Variants in CHCHD6 observed in about 807,000 individuals in gnomAD.
CHCHD6 encodes MICOS complex subunit MIC25.
Under a neutral mutation model 32.3 loss-of-function variants are expected in CHCHD6, and 28 were observed. That is an observed-to-expected ratio of 0.87 (90% CI 0.64 to 1.19). CHCHD6 has a LOEUF of 1.19. CHCHD6 is among the 50% of genes most tolerant of loss of function. The pLI, the probability that CHCHD6 is intolerant of heterozygous loss-of-function variation, is 0.00. For missense variants in CHCHD6, 333 were observed against 307.0 expected (o/e 1.08, Z -0.63); for synonymous variants, 122 against 117.5 (o/e 1.04, Z -0.25).
chr3:126,836,800 T>C (rs1324472811), intron 4 of CHCHD6, among the ~76,000 whole-genome samples: 1 of 152,190 alleles, frequency 6.6e-6, no homozygotes, highest in Admixed American at 6.5e-5. Context: ...CCAGGCTGGC[T>C]CTGCTCTGGA....
intron 4 of CHCHD6, among the ~76,000 whole-genome samples, chr3:126,745,345 A>G (rs1216061986): frequency 3.3e-5 from 5 of 152,162 alleles, no homozygotes; most frequent in Non-Finnish European, 5.9e-5. Context: ...TGGACCCATT[A>G]TTTAACCAAG....
intron 5 of CHCHD6, among the ~76,000 whole-genome samples, chr3:126,875,996 T>C (rs1453895195): frequency 6.6e-6 from 1 of 152,224 alleles, no homozygotes; most frequent in Non-Finnish European, 1.5e-5. Context: ...GAACAACAGC[T>C]TTCAGTAAAA....
intron 1 of CHCHD6, among the ~76,000 whole-genome samples, chr3:126,706,373 C>T (rs1307553105): frequency 6.6e-6 from 1 of 152,180 alleles, no homozygotes; most frequent in Admixed American, 6.5e-5. Flanking sequence ...TGAGTAACTT[C>T]TGGGACTTTA....
At chr3:126,890,192 G>A (rs1002639762) in intron 5 of CHCHD6, among the ~76,000 whole-genome samples, 3 of 152,244 alleles carry the variant, frequency 2.0e-5, no homozygotes, top group African/African-American at 7.2e-5. Flanking sequence ...CTGGTGGTAG[G>A]TGAAGCCGGG....
intron 4 of CHCHD6, among the ~76,000 whole-genome samples, chr3:126,824,281 G>A (rs73203606): frequency 0.091 from 13,757 of 151,580 alleles, 798 homozygotes; most frequent in Middle Eastern, 0.21. Flanking sequence ...CCAACATTTG[G>A]CCGGGCACAG....
At chr3:126,836,692 G>A (rs1301269339) in intron 4 of CHCHD6, among the ~76,000 whole-genome samples, 3 of 152,208 alleles carry the variant, frequency 2.0e-5, no homozygotes, top group Non-Finnish European at 4.4e-5. Flanking sequence ...GAGATTGTGC[G>A]GAGATGCTGA....
intron 5 of CHCHD6, among the ~76,000 whole-genome samples, chr3:126,896,060 A>G (rs919731986): frequency 3.9e-5 from 6 of 152,218 alleles, no homozygotes; most frequent in Non-Finnish European, 5.9e-5. Context: ...GGTGGAATAT[A>G]TGAAACCACA....
At chr3:126,758,562 T>C (rs1265928817) in intron 4 of CHCHD6, among the ~76,000 whole-genome samples, 2 of 152,244 alleles carry the variant, frequency 1.3e-5, no homozygotes, top group Non-Finnish European at 2.9e-5. Flanking sequence ...GGGATCTCAC[T>C]AAGCGGCTGA....
At chr3:126,727,017 C>A in intron 1 of CHCHD6, 61 bp from the exon 2 acceptor site, 1 of 1,181,564 alleles carries the variant, frequency 8.5e-7, no homozygotes, top group Non-Finnish European at 1.3e-6. Flanking sequence ...AAAGAGGAGG[C>A]TTTGCTTCCA....
chr3:126,813,357 G>A (rs187375685), intron 4 of CHCHD6, among the ~76,000 whole-genome samples: 1 of 152,320 alleles, frequency 6.6e-6, no homozygotes, highest in Admixed American at 6.5e-5. Context: ...TATTCCTGCT[G>A]TTGTTTTTAA....
At chr3:126,828,925 A>G (rs1255221040) in intron 4 of CHCHD6, among the ~76,000 whole-genome samples, 10 of 152,160 alleles carry the variant, frequency 6.6e-5, no homozygotes, top group Admixed American at 5.9e-4. Flanking sequence ...TTTTCAAAGA[A>G]CCAATTTTTG....
At chr3:126,812,449 T>C (rs1429898595) in intron 4 of CHCHD6, among the ~76,000 whole-genome samples, 1 of 151,998 alleles carries the variant, frequency 6.6e-6, no homozygotes, top group Non-Finnish European at 1.5e-5. Flanking sequence ...GTTCTTTTTT[T>C]TTCCACTCTT....
chr3:126,763,266 C>G (rs889110101), intron 4 of CHCHD6, among the ~76,000 whole-genome samples: 1 of 147,870 alleles, frequency 6.8e-6, no homozygotes, highest in Admixed American at 6.9e-5. Context: ...CCTTTCCTTC[C>G]CCTCCCCTCC....
At chr3:126,940,691 T>C (rs1178003938) in intron 6 of CHCHD6, among the ~76,000 whole-genome samples, 1 of 152,188 alleles carries the variant, frequency 6.6e-6, no homozygotes, top group Non-Finnish European at 1.5e-5. Context: ...GAGTGTTCCA[T>C]TTTCCCAGGA....
chr3:126,714,932 T>G (rs1405194903), intron 1 of CHCHD6, among the ~76,000 whole-genome samples: 1 of 152,212 alleles, frequency 6.6e-6, no homozygotes, highest in African/African-American at 2.4e-5. Context: ...ATGCAAAGAC[T>G]AATGCTTAAA....
At chr3:126,947,869 C>T (rs138077586) in intron 6 of CHCHD6, among the ~76,000 whole-genome samples, 263 of 152,314 alleles carry the variant, frequency 1.7e-3, no homozygotes, top group African/African-American at 5.2e-3. Context: ...CGGCTCCTCC[C>T]CTTTTCCATT....
chr3:126,835,592 T>C (rs904938079), intron 4 of CHCHD6, among the ~76,000 whole-genome samples: 4 of 152,236 alleles, frequency 2.6e-5, no homozygotes, highest in Non-Finnish European at 4.4e-5. Context: ...TCCTGTTCTC[T>C]GCAAGGAACT....
chr3:126,721,846 A>G (rs1049013085), intron 1 of CHCHD6, among the ~76,000 whole-genome samples: 2 of 151,990 alleles, frequency 1.3e-5, no homozygotes, highest in Non-Finnish European at 2.9e-5. Context: ...TACGCCACAC[A>G]GTGTGGCCTT....
chr3:126,910,580 C>T (rs1007046888), intron 5 of CHCHD6, among the ~76,000 whole-genome samples: 2 of 152,180 alleles, frequency 1.3e-5, no homozygotes, highest in African/African-American at 4.8e-5. Context: ...ACCCTTTGAC[C>T]CAAGAATTTG....
Sources: gnomAD v4.1 joint callset for allele counts (sites outside exome capture counted in the v4.1 genomes callset) on GRCh38, gnomAD v4.1.1 for gene constraint, MANE v1.5 for transcripts, NCBI Gene and HGNC (gene_info 2026-07-23, HGNC 2026-07-21) for gene names.